The following FBXO38 variants were observed in gnomAD, a reference collection of about 807,000 sequenced individuals.
The protein encoded by FBXO38 is F-box only protein 38.
In FBXO38, 53 loss-of-function variants were observed where a neutral mutation model predicts 131.9. The observed-to-expected ratio is 0.40, with a 90% CI of 0.32 to 0.51. The LOEUF is 0.51. FBXO38 is among the 20% of genes least tolerant of loss of function. The probability of loss-of-function intolerance (pLI) is 0.53; values close to 1 mark genes in which losing one functional copy is unlikely to be tolerated. For missense variants in FBXO38, 1,076 were observed against 1,475.6 expected, an observed-to-expected ratio of 0.73 and a Z score of 4.44; for synonymous variants, 452 against 505.6, an observed-to-expected ratio of 0.89 and a Z score of 1.42.
intron 17 of FBXO38, chr5:148,435,126 A>T (rs1561545601): frequency 2.0e-5 from 3 of 152,340 alleles, no homozygotes; most frequent in Admixed American, 2.0e-4. Context: ...ACATTTTATT[A>T]TTCAGAGATG....
intron 12 of FBXO38, among the ~76,000 whole-genome samples, chr5:148,418,396 C>T (rs1170587101): frequency 2.6e-5 from 4 of 152,172 alleles, no homozygotes; most frequent in Non-Finnish European, 5.9e-5. Flanking sequence ...AAATCCAAAT[C>T]TTTGTTTCCA....
chr5:148,391,870 G>A (rs1758213116), intron 1 of FBXO38, among the ~76,000 whole-genome samples: 1 of 151,968 alleles, frequency 6.6e-6, no homozygotes, highest in African/African-American at 2.4e-5. Context: ...ATATTTTGTT[G>A]TCTTCTTTCA....
chr5:148,400,460 T>C (rs995621366), intron 3 of FBXO38, among the ~76,000 whole-genome samples: 1 of 152,116 alleles, frequency 6.6e-6, no homozygotes, highest in African/African-American at 2.4e-5. Flanking sequence ...GAGAAGAATT[T>C]GACTGCATGT....
intron 5 of FBXO38, 173 bp downstream of exon 5, chr5:148,402,686 G>A (rs1752223141): frequency 1.9e-6 from 1 of 515,374 alleles, no homozygotes; most frequent in South Asian, 3.2e-5. Flanking sequence ...AGATCCACTG[G>A]TGTGAGGGAA....
chr5:148,412,379 G>C lies in FBXO38; in HGVS notation c.1093+1614G>C, dbSNP rs149924934. 8.9e-4 allele frequency among the ~76,000 whole-genome samples: 136 copies of C among 152,236 alleles called. 1 individual carries two copies. Among genetic ancestry groups the C allele is most frequent in the African/African-American group, 2.9e-3 (120 of 41,544 alleles). On this transcript the variant is annotated intron_variant, in intron 9 of 21. Coordinates refer to ENST00000340253, the MANE Select transcript of FBXO38 (RefSeq NM_205836.3). ...TAGTTTCTCTCTTCTCAGTAATTTA[G>C]ATTTGAAGCATCTCTCCAAGAAGTG... is the stretch of plus-strand genomic sequence containing the variant.
intron 2 of FBXO38, 56 bp from the exon 3 acceptor site, chr5:148,398,943 T>C (rs951573951): frequency 6.3e-7 from 1 of 1,583,752 alleles, no homozygotes; most frequent in African/African-American, 1.4e-5. Context: ...AATAACTTAC[T>C]GGTGAGAAGT....
At chr5:148,421,542 A>G (rs1053894684) in intron 12 of FBXO38, among the ~76,000 whole-genome samples, 7 of 152,112 alleles carry the variant, frequency 4.6e-5, no homozygotes, top group African/African-American at 1.7e-4. Flanking sequence ...TCTTTATAAG[A>G]CTTTTTTACA....
intron 1 of FBXO38, among the ~76,000 whole-genome samples, chr5:148,387,008 G>A (rs1008903610): frequency 6.6e-6 from 1 of 152,048 alleles, no homozygotes; most frequent in Non-Finnish European, 1.5e-5. Flanking sequence ...GACTGATCAG[G>A]GTGGTGGTTG....
intron 1 of FBXO38, among the ~76,000 whole-genome samples, chr5:148,385,487 C>G (rs1224416233): frequency 6.6e-6 from 1 of 152,226 alleles, no homozygotes; most frequent in African/African-American, 2.4e-5. Flanking sequence ...CTGCTTCACA[C>G]TGGTACATCC....
chr5:148,386,292 G>A (rs1757911022), intron 1 of FBXO38, among the ~76,000 whole-genome samples: 1 of 152,168 alleles, frequency 6.6e-6, no homozygotes, highest in Non-Finnish European at 1.5e-5. Flanking sequence ...AATGTTTACT[G>A]TAACCTGGGA....
At chr5:148,387,244 T>C (rs1296998605) in intron 1 of FBXO38, among the ~76,000 whole-genome samples, 1 of 152,224 alleles carries the variant, frequency 6.6e-6, no homozygotes, top group Non-Finnish European at 1.5e-5. Context: ...ATTTCAATAA[T>C]GTTCACAGCA....
rs201680339 is a variant in FBXO38 at position 148,427,734 on chromosome 5, G to A, written c.2440G>A (p.Ala814Thr). The change falls in exon 15 of 22, where the codon GCC (alanine) becomes ACC (threonine). Residue 814 changes from alanine (A) to threonine (T), a missense_variant. This residue lies in a region of FBXO38 where 213 missense variants were observed against 225.2 expected (regional missense o/e 0.95). Transcript: ENST00000340253. ...VVNGPDGTRSAFSFRTLPQGG... is the reference protein window; with the variant it reads ...VVNGPDGTRSTFSFRTLPQGG... ...GAATGGCCCGGATGGTACGAGATCC[G>A]CCTTTTCCTTTAGGACTCTGCCACA... 8.7e-5 allele frequency: 140 copies of A among 1,613,704 alleles called. No individual in the cohort carries two copies. The highest frequency in any genetic ancestry group is 1.7e-4 in the Admixed American group (10 of 59,990).
In FBXO38 at chr5:148,442,321, A is replaced by G; in HGVS notation, c.*174A>G. 1 of 436,712 alleles carries G rather than the reference A, an allele frequency of 2.3e-6. No individual in the cohort carries two copies. Among genetic ancestry groups the G allele is most frequent in the Non-Finnish European group, 4.0e-6 (1 of 249,412 alleles). 27.1% of individuals were successfully genotyped at this position (436,712 alleles called of 1,614,324 possible). ...ATACAAAGATTTGTACATAAAAAATATACAAAGACGCTTCCTAAAGTACCA... is the reference window on the plus strand; with the variant it reads ...ATACAAAGATTTGTACATAAAAAATGTACAAAGACGCTTCCTAAAGTACCA... On this transcript the variant is annotated 3_prime_UTR_variant, in exon 22 of 22. Coordinates refer to ENST00000340253, the MANE Select transcript of FBXO38 (RefSeq NM_205836.3).
At chr5:148,440,805 G>A (rs901853857) in intron 20 of FBXO38, among the ~76,000 whole-genome samples, 7 of 152,126 alleles carry the variant, frequency 4.6e-5, no homozygotes, top group South Asian at 2.1e-4. Context: ...CTAGATGACC[G>A]AACATGCCTT....
intron 15 of FBXO38, 130 bp downstream of exon 15, chr5:148,428,077 G>C (rs745857107): frequency 1.9e-6 from 2 of 1,051,806 alleles, no homozygotes; most frequent in East Asian, 5.3e-5. Context: ...TGTGGGTCAT[G>C]TGAATTTTGA....
At position 148,404,745 on chromosome 5, in the gene FBXO38, T is replaced by C; in HGVS notation, c.653T>C (p.Val218Ala). Reference sequence around the variant, plus strand: ...CTAAGGCACCTTTATATGAAGTGGGTAAGACTCACTAAACCACAGCCATTT... The same window carrying C: ...CTAAGGCACCTTTATATGAAGTGGGCAAGACTCACTAAACCACAGCCATTT... ...PMLRHLYMKW[V>A]RLTKPQPFKD... The change falls in exon 6 of 22, where the codon GTA becomes GCA. Residue 218 changes from valine to alanine, a missense_variant. Val to Ala is a moderately conservative substitution (Grantham distance 64, BLOSUM62 0). Around this residue, in one of 8 missense-constraint regions of FBXO38, gnomAD observed 66 missense variants for 72.4 expected, o/e 0.91. Transcript: ENST00000340253. 6.2e-7 allele frequency: 1 copy of C among 1,608,240 alleles called. No individual in the cohort carries two copies. Among genetic ancestry groups the C allele is most frequent in the Non-Finnish European group, 8.5e-7 (1 of 1,178,132 alleles).
intron 3 of FBXO38, among the ~76,000 whole-genome samples, chr5:148,400,505 GC>G (rs1284002270): frequency 6.6e-6 from 1 of 152,054 alleles, no homozygotes; most frequent in African/African-American, 2.4e-5. Flanking sequence ...TAACCTGTGA[GC>G]CCAAGGCTTC....
In FBXO38 at chr5:148,441,183, C is replaced by T. The variant is rs761655990; in HGVS notation, c.3334C>T (p.Arg1112Ter). ...ISDFPWLRSL[R>*]AAEPNSFARY... ...TGACTTCCCTTGGCTGAGGTCATTA[C>T]GAGCTGCAGAGCCCAACAGCTTCGC... Residue 1112 changes from arginine (R) to a stop codon, truncating the protein, a stop_gained, in exon 21 of 22, where the codon CGA becomes TGA. Transcript: ENST00000340253. LOFTEE classifies it high-confidence loss of function. 4 of 1,613,724 alleles carry T rather than the reference C, an allele frequency of 2.5e-6. No individual in the cohort carries two copies. Among genetic ancestry groups the T allele is most frequent in the Admixed American group, 1.7e-5 (1 of 59,936 alleles).
intron 1 of FBXO38, among the ~76,000 whole-genome samples, chr5:148,392,581 T>TTGTGTGTGTGTGTGTG (rs55667300): frequency 6.1e-4 from 87 of 141,946 alleles, no homozygotes; most frequent in African/African-American, 1.9e-3. Flanking sequence ...TTGCTTTTCT[T>TTGTGTGTGTGTGTGTG]TGTGTGTGTG....
Sources: allele counts gnomAD v4.1 joint callset (sites outside exome capture counted in the v4.1 genomes callset), GRCh38; gene constraint gnomAD v4.1.1; regional missense constraint gnomAD v4.1.1; transcripts MANE v1.5; gene names NCBI Gene and HGNC (gene_info 2026-07-23, HGNC 2026-07-21).